Variants in DVL3 observed in about 807,000 individuals in gnomAD.
DVL3 encodes the protein dishevelled segment polarity protein 3.
DVL3 carries 27 observed loss-of-function variants against 67.4 expected under a neutral mutation model. The observed-to-expected ratio is 0.40, with a 90% confidence interval of 0.30 to 0.55. The LOEUF (loss-of-function observed/expected upper bound fraction) is 0.55. Ranked by LOEUF, DVL3 falls within the 20% of genes least tolerant of loss-of-function variation. The pLI, the probability that DVL3 is intolerant of heterozygous loss-of-function variation, is 0.46. For synonymous variants in DVL3, 369 were observed against 396.8 expected, an observed-to-expected ratio of 0.93 and a Z score of 0.83; for missense variants, 819 against 1,021.5, an observed-to-expected ratio of 0.80 and a Z score of 2.70.
At position 184,166,613 on chromosome 3, in the gene DVL3, A is replaced by C; in HGVS notation, c.988A>C (p.Thr330Pro). The change falls in exon 10 of 15, where the codon ACC becomes CCC. Residue 330 changes from threonine to proline, a missense_variant. By Grantham distance (38) the Thr-to-Pro change is conservative (BLOSUM62 -1). This residue lies in a region of DVL3 where 385 missense variants were observed against 486.8 expected (regional missense o/e 0.79). Coordinates refer to ENST00000313143, the MANE Select transcript of DVL3 (RefSeq NM_004423.4). The surrounding 1 kb of genome is among the most constrained non-coding windows in gnomAD (Gnocchi z 6.7). ...GGACACCCTTGTTTTCAGGCCCATC[A>C]CCCTGACTGTAGCCAAGTGCTGGGA... ...REIVHKPGPI[T>P]LTVAKCWDPS... The C allele has an allele frequency of 6.2e-7, 1 of 1,614,094 alleles. No individual in the cohort carries two copies. The highest frequency in any genetic ancestry group is 1.1e-5 in the South Asian group (1 of 91,088).
At position 184,170,772 on chromosome 3, in the gene DVL3, A is replaced by C; in HGVS notation, c.*17A>C. The C allele has an allele frequency of 6.2e-7, 1 of 1,611,702 alleles. No individual in the cohort carries two copies. Among genetic ancestry groups the C allele is most frequent in the South Asian group, 1.1e-5 (1 of 90,964 alleles). On this transcript the variant is annotated 3_prime_UTR_variant, in exon 15 of 15. Transcript: ENST00000313143. The surrounding 1 kb of genome is among the most constrained non-coding windows in gnomAD (Gnocchi z 6.5). Reference sequence around the variant, plus strand: ...GTGATGTGAGCAGGGCCCCTCCCCCAGCTCCATTCCGCTCCCACCCCAGCC... The same window carrying C: ...GTGATGTGAGCAGGGCCCCTCCCCCCGCTCCATTCCGCTCCCACCCCAGCC...
Position 184,166,810 on chromosome 3 carries a change from C to T in DVL3, c.1049-16C>T. On this transcript the variant is annotated splice_polypyrimidine_tract_variant and intron_variant, in intron 10 of 14. Coordinates refer to ENST00000313143, the MANE Select transcript of DVL3 (RefSeq NM_004423.4). This position sits in a 1 kb window ranked among gnomAD's most constrained non-coding sequence, Gnocchi z 6.7. ...GGGTGGGGTGGGTAGCCCATGACTC[C>T]TCATCCTCCCTGCAGGCGAGCCCAT... 1 of 1,613,776 alleles carries T rather than the reference C, an allele frequency of 6.2e-7. No individual in the cohort carries two copies. The highest frequency in any genetic ancestry group is 8.5e-7 in the Non-Finnish European group (1 of 1,179,888).
chr3:184,167,358 A>G lies in DVL3; in HGVS notation c.1199-222A>G, dbSNP rs1714634022. ...ATCACATGCACATCGTACACTGGCC[A>G]AGCACCTGCATTTACATTATTTAAT... On this transcript the variant is annotated intron_variant, in intron 11 of 14. Transcript: ENST00000313143. This position sits in a 1 kb window ranked among gnomAD's most constrained non-coding sequence, Gnocchi z 4.6. Among the ~76,000 whole-genome samples the G allele has an allele frequency of 6.6e-6, 1 of 152,204 alleles. No individual in the cohort carries two copies. Among genetic ancestry groups the G allele is most frequent in the Admixed American group, 6.5e-5 (1 of 15,278 alleles).
Position 184,167,917 on chromosome 3 carries a change from G to C in DVL3, c.1350G>C (p.Trp450Cys). Reference protein sequence around the residue: ...NAFIGSDVVDWLYHNVEGFTD... With the variant: ...NAFIGSDVVDCLYHNVEGFTD... The stretch of plus-strand genomic sequence containing the variant: ...CCCCAGGCTCAGATGTGGTGGACTG[G>C]CTGTACCACAATGTGGAAGGCTTCA... The change falls in exon 13 of 15, where the codon TGG becomes TGC. Residue 450 changes from tryptophan to cysteine, a missense_variant. By Grantham distance (215) the Trp-to-Cys change is radical. Coordinates refer to ENST00000313143, the MANE Select transcript of DVL3 (RefSeq NM_004423.4). This position sits in a 1 kb window ranked among gnomAD's most constrained non-coding sequence, Gnocchi z 4.6. 1 of 1,614,284 alleles carries C rather than the reference G, an allele frequency of 6.2e-7. No homozygotes were observed. The highest frequency in any genetic ancestry group is 8.5e-7 in the Non-Finnish European group (1 of 1,180,054).
rs1010813924 is a variant in DVL3, at chr3:184,163,359, G to A, written c.162-298G>A. On this transcript the variant is annotated intron_variant, in intron 1 of 14. Transcript: ENST00000313143. This position sits in a 1 kb window ranked among gnomAD's most constrained non-coding sequence, Gnocchi z 4.5. The stretch of plus-strand genomic sequence containing the variant: ...GAGAGTCATGTTGGGGATGGGTAGA[G>A]CACTTTAGAGATTTTAGGGAGTGGC... 2.0e-5 allele frequency among the ~76,000 whole-genome samples: 3 copies of A among 152,202 alleles called. No homozygotes were observed. Among genetic ancestry groups the A allele is most frequent in the Non-Finnish European group, 4.4e-5 (3 of 68,028 alleles).
chr3:184,162,385 A>G (rs1425987447), intron 1 of DVL3, among the ~76,000 whole-genome samples: 6 of 151,806 alleles, frequency 4.0e-5, no homozygotes, highest in African/African-American at 7.3e-5. Flanking sequence ...GCACCTCGCT[A>G]TGTTGACCAG....
chr3:184,169,154 G>C (rs1714708228), intron 13 of DVL3, among the ~76,000 whole-genome samples: 1 of 152,152 alleles, frequency 6.6e-6, no homozygotes, highest in African/African-American at 2.4e-5. Context: ...GAAGGGGTGG[G>C]TAACACTTTA....
intron 1 of DVL3, among the ~76,000 whole-genome samples, chr3:184,162,335 G>A (rs181561353): frequency 1.2e-3 from 178 of 151,666 alleles, no homozygotes; most frequent in African/African-American, 3.7e-3. Flanking sequence ...ACGCTACCAC[G>A]CTCGGCTAAT....
chr3:184,160,593 G>A (rs1269108600), intron 1 of DVL3, among the ~76,000 whole-genome samples: 2 of 152,150 alleles, frequency 1.3e-5, no homozygotes, highest in Non-Finnish European at 2.9e-5. Flanking sequence ...TCCATGGTGG[G>A]AGAGTAAGAC....
In DVL3 at chr3:184,167,995, C is replaced by T; in HGVS notation, c.1428C>T (p.Phe476=). 32 of 1,614,278 alleles carry T rather than the reference C, an allele frequency of 2.0e-5. No homozygotes were observed. The highest frequency in any genetic ancestry group is 2.6e-5 in the Non-Finnish European group (31 of 1,180,044). The change falls in exon 13 of 15, where the codon TTC becomes TTT. Residue 476 remains phenylalanine (F), a synonymous_variant. Transcript: ENST00000313143. This position sits in a 1 kb window ranked among gnomAD's most constrained non-coding sequence, Gnocchi z 4.6. ...KYASNLLKAG[F]IRHTVNKITF... ...CCAGCAACCTGCTGAAAGCTGGCTT[C>T]ATCCGCCATACCGTCAACAAGATCA...
In DVL3 at chr3:184,166,609, C is replaced by T. The variant is rs1335228149; in HGVS notation, c.984C>T (p.Pro328=). 1.9e-6 allele frequency: 3 copies of T among 1,614,210 alleles called. No individual in the cohort carries two copies. Among genetic ancestry groups the T allele is most frequent in the South Asian group, 1.1e-5 (1 of 91,086 alleles). ...ACTAGGACACCCTTGTTTTCAGGCCCATCACCCTGACTGTAGCCAAGTGCT... is the reference window on the plus strand; with the variant it reads ...ACTAGGACACCCTTGTTTTCAGGCCTATCACCCTGACTGTAGCCAAGTGCT... ...VLREIVHKPG[P]ITLTVAKCWD... Residue 328 remains proline (P), a synonymous_variant, in exon 10 of 15, where the codon CCC becomes CCT. Coordinates refer to ENST00000313143, the MANE Select transcript of DVL3 (RefSeq NM_004423.4). The surrounding 1 kb of genome is among the most constrained non-coding windows in gnomAD (Gnocchi z 6.7).
intron 1 of DVL3, among the ~76,000 whole-genome samples, chr3:184,157,524 A>G (rs1303943210): frequency 1.3e-5 from 2 of 152,188 alleles, no homozygotes; most frequent in Non-Finnish European, 2.9e-5. Flanking sequence ...GAGGGCCCCC[A>G]TTACATCCAG....
chr3:184,169,927 C>T, intron 13 of DVL3, 79 bp from the exon 14 acceptor site: 1 of 1,311,050 alleles, frequency 7.6e-7, no homozygotes, highest in African/African-American at 1.5e-5. Flanking sequence ...CACGGTCTCT[C>T]TCATCCAGAG....
At chr3:184,168,505 C>T (rs987497090) in intron 13 of DVL3, among the ~76,000 whole-genome samples, 20 of 152,230 alleles carry the variant, frequency 1.3e-4, no homozygotes, top group Non-Finnish European at 8.8e-5. Flanking sequence ...TGGAGGCTCA[C>T]GTCATCACCA....
chr3:184,162,926 G>A (rs374199409), intron 1 of DVL3, among the ~76,000 whole-genome samples: 6 of 152,332 alleles, frequency 3.9e-5, no homozygotes, highest in East Asian at 3.9e-4. Flanking sequence ...AAGTCAGGCA[G>A]TAACTACAGT....
chr3:184,157,717 A>T (rs1180820786), intron 1 of DVL3, among the ~76,000 whole-genome samples: 3 of 152,238 alleles, frequency 2.0e-5, no homozygotes, highest in Non-Finnish European at 4.4e-5. Context: ...GTGCCACCTG[A>T]AGCCATCTTG....
In DVL3 at chr3:184,170,465, C is replaced by G. The variant is rs1714782812; in HGVS notation, c.1861C>G (p.Pro621Ala). ...CCTGCGGGGGCCGCGGGAGCGGGCG[C>G]CCAGCGAGCGCTCAGGGCCGGCGGC... is the stretch of plus-strand genomic sequence containing the variant. Reference protein sequence around the residue: ...SSLRGPRERAPSERSGPAASE... With the variant: ...SSLRGPRERAASERSGPAASE... Residue 621 changes from proline to alanine, a missense_variant, in exon 15 of 15, where the codon CCC becomes GCC. By Grantham distance (27) the Pro-to-Ala change is conservative. This residue lies in a region of DVL3 where 324 missense variants were observed against 331.3 expected (regional missense o/e 0.98). Coordinates refer to ENST00000313143, the MANE Select transcript of DVL3 (RefSeq NM_004423.4). The surrounding 1 kb of genome is among the most constrained non-coding windows in gnomAD (Gnocchi z 6.5). The G allele has an allele frequency of 6.3e-7, 1 of 1,585,416 alleles. No individual in the cohort carries two copies.
chr3:184,164,175 C>G lies in DVL3; in HGVS notation c.232-92C>G. 1 of 1,450,004 alleles carries G rather than the reference C, an allele frequency of 6.9e-7. No individual in the cohort carries two copies. Among genetic ancestry groups the G allele is most frequent in the Non-Finnish European group, 9.4e-7 (1 of 1,058,846 alleles). 89.8% of individuals were successfully genotyped at this position (1,450,004 alleles called of 1,614,324 possible). ...CTCCCTCGATATTTCCTGCTTCCTTCCTCTTAGGCCTTCATGCCTTGCTGG... is the reference window on the plus strand; with the variant it reads ...CTCCCTCGATATTTCCTGCTTCCTTGCTCTTAGGCCTTCATGCCTTGCTGG... On this transcript the variant is annotated intron_variant, in intron 2 of 14. Coordinates refer to ENST00000313143, the MANE Select transcript of DVL3 (RefSeq NM_004423.4). The surrounding 1 kb of genome is among the most constrained non-coding windows in gnomAD (Gnocchi z 5.3).
At position 184,167,894 on chromosome 3, in the gene DVL3, C is replaced by T. The variant is rs1228272099; in HGVS notation, c.1331-4C>T. On this transcript the variant is annotated splice_polypyrimidine_tract_variant and splice_region_variant and intron_variant, in intron 12 of 14. Transcript: ENST00000313143. This position sits in a 1 kb window ranked among gnomAD's most constrained non-coding sequence, Gnocchi z 4.6. ...TCCCCATCAACTGGCAGCCTTGTCC[C>T]CAGGCTCAGATGTGGTGGACTGGCT... is the stretch of plus-strand genomic sequence containing the variant. The T allele has an allele frequency of 1.9e-6, 3 of 1,614,128 alleles. No individual in the cohort carries two copies. The highest frequency in any genetic ancestry group is 2.2e-5 in the East Asian group (1 of 44,902).
Sources: gnomAD v4.1 joint callset for allele counts (sites outside exome capture counted in the v4.1 genomes callset) on GRCh38, gnomAD v4.1.1 for gene constraint, gnomAD v4.1.1 regional missense constraint, Gnocchi (gnomAD v3.1) non-coding constraint, MANE v1.5 for transcripts, NCBI Gene and HGNC (gene_info 2026-07-23, HGNC 2026-07-21) for gene names.